ITGAV: variants seen among roughly 807,000 people sequenced by gnomAD.
ITGAV encodes the protein integrin subunit alpha V, also known as integrin alpha-V.
ITGAV carries 76 observed loss-of-function variants against 143.8 expected under a neutral mutation model. That is an observed-to-expected ratio of 0.53 (90% confidence interval 0.44 to 0.64). The LOEUF (loss-of-function observed/expected upper bound fraction) is 0.64. ITGAV is among the 30% of genes least tolerant of loss of function. The pLI is 0.00. For synonymous variants in ITGAV, 453 were observed against 446.7 expected (o/e 1.01, Z -0.18); for missense variants, 1,193 against 1,274.7 (o/e 0.94, Z 0.98).
chr2:186,664,735 C>T, intron 20 of ITGAV, 94 bp downstream of exon 20: 1 of 1,454,800 alleles, frequency 6.9e-7, no homozygotes, highest in Non-Finnish European at 9.5e-7. Flanking sequence ...ACAAGCTTAG[C>T]TATTCTACCT....
chr2:186,630,002 C>T (rs1687773449), intron 4 of ITGAV, among the ~76,000 whole-genome samples: 1 of 152,062 alleles, frequency 6.6e-6, no homozygotes, highest in South Asian at 2.1e-4. Context: ...AAGAGTACAA[C>T]TATTGAGCCT....
In ITGAV at chr2:186,673,243, T is replaced by C. The variant is rs183289680; in HGVS notation, c.2707-2361T>C. On this transcript the variant is annotated intron_variant, in intron 26 of 29. Coordinates refer to ENST00000261023, the MANE Select transcript of ITGAV (RefSeq NM_002210.5). ...AATTGATTATAAATATATGGATTTA[T>C]TTCTAGACATTCAGTTCTATTCAGT... 2.5e-3 allele frequency among the ~76,000 whole-genome samples: 378 copies of C among 152,362 alleles called. 2 individuals are homozygous for C. Among genetic ancestry groups the C allele is most frequent in the African/African-American group, 8.8e-3 (364 of 41,584 alleles).
At chr2:186,599,692 A>C (rs576702962) in intron 1 of ITGAV, among the ~76,000 whole-genome samples, 1 of 152,248 alleles carries the variant, frequency 6.6e-6, no homozygotes, top group East Asian at 1.9e-4. Flanking sequence ...CTTTGTAGAG[A>C]TGGGGGTCTT....
At chr2:186,599,573 C>T (rs996481419) in intron 1 of ITGAV, among the ~76,000 whole-genome samples, 5 of 152,206 alleles carry the variant, frequency 3.3e-5, no homozygotes, top group Non-Finnish European at 5.9e-5. Context: ...CAGCTCACTG[C>T]AGCCTCAACC....
At chr2:186,659,377 T>C (rs1688679506) in intron 18 of ITGAV, among the ~76,000 whole-genome samples, 2 of 152,000 alleles carry the variant, frequency 1.3e-5, no homozygotes, top group African/African-American at 4.8e-5. Flanking sequence ...CAGAGATATT[T>C]AAAGCCACTC....
chr2:186,657,015 CACACACACAG>C (rs202211847), intron 17 of ITGAV, among the ~76,000 whole-genome samples: 32,545 of 150,804 alleles, frequency 0.22, 4,538 homozygotes, highest in East Asian at 0.71. Flanking sequence ...CACACACACA[CACACACACAG>C]AAGCCACTAG....
At chr2:186,611,932 A>C (rs556726654) in intron 2 of ITGAV, among the ~76,000 whole-genome samples, 10 of 152,284 alleles carry the variant, frequency 6.6e-5, no homozygotes, top group African/African-American at 2.4e-4. Flanking sequence ...GGTAATGTCT[A>C]TGAAGGTATT....
At chr2:186,622,759 C>G (rs758102613) in intron 3 of ITGAV, among the ~76,000 whole-genome samples, 16 of 152,172 alleles carry the variant, frequency 1.1e-4, no homozygotes, top group African/African-American at 3.9e-4. Flanking sequence ...CTCTCTCTCT[C>G]TCTCTTTTTT....
At chr2:186,663,914 T>G in intron 19 of ITGAV, 79 bp downstream of exon 19, 2 of 930,328 alleles carry the variant, frequency 2.1e-6, no homozygotes, top group Non-Finnish European at 3.5e-6. Context: ...GACTAACATA[T>G]TTTAACGAGA....
In ITGAV at chr2:186,677,235, A is replaced by G. The variant is rs1374520480; in HGVS notation, c.3090A>G (p.Glu1030=). The G allele has an allele frequency of 1.9e-6, 3 of 1,613,884 alleles. No homozygotes were observed. Among genetic ancestry groups the G allele is most frequent in the African/African-American group, 1.3e-5 (1 of 75,038 alleles). Residue 1030 remains glutamate, a synonymous_variant, in exon 30 of 30, where the codon GAA becomes GAG. Transcript: ENST00000261023. The part of the protein sequence containing the change: ...FFKRVRPPQE[E]QEREQLQPHE... ...AACGGGTCCGGCCACCTCAAGAAGA[A>G]CAAGAAAGGGAGCAGCTTCAACCTC...
At chr2:186,629,892 G>T (rs1372576314) in intron 4 of ITGAV, among the ~76,000 whole-genome samples, 2 of 151,980 alleles carry the variant, frequency 1.3e-5, no homozygotes, top group African/African-American at 4.8e-5. Context: ...TGTGTTCTAG[G>T]TACTGTATTG....
intron 2 of ITGAV, among the ~76,000 whole-genome samples, chr2:186,604,622 G>T (rs1471107720): frequency 2.6e-5 from 4 of 152,082 alleles, no homozygotes; most frequent in Non-Finnish European, 4.4e-5. Context: ...GAAACCCATG[G>T]CAACCTCATT....
chr2:186,615,268 A>ATG (rs1357630371), intron 2 of ITGAV, among the ~76,000 whole-genome samples: 2 of 152,092 alleles, frequency 1.3e-5, no homozygotes, highest in Non-Finnish European at 2.9e-5. Context: ...ATGAACATTC[A>ATG]TGTGCAAATC....
In ITGAV at chr2:186,680,696, G is replaced by A. The variant is rs1002643102; in HGVS notation, c.*3404G>A. 2 of 152,572 alleles carry A rather than the reference G, an allele frequency of 1.3e-5. No homozygotes were observed. The highest frequency in any genetic ancestry group is 4.8e-5 in the African/African-American group (2 of 41,448). 9.5% of individuals were successfully genotyped at this position (152,572 alleles called of 1,614,324 possible). ...TATCCTAAGGTAACTTGGAAGCTGTGTAGTATATCAAATTAATTTGCTACC... is the reference window on the plus strand; with the variant it reads ...TATCCTAAGGTAACTTGGAAGCTGTATAGTATATCAAATTAATTTGCTACC... On this transcript the variant is annotated 3_prime_UTR_variant, in exon 30 of 30. Transcript: ENST00000261023.
intron 2 of ITGAV, among the ~76,000 whole-genome samples, chr2:186,617,974 T>A (rs930134203): frequency 6.6e-6 from 1 of 152,222 alleles, no homozygotes; most frequent in Admixed American, 6.5e-5. Flanking sequence ...AACATCATCC[T>A]AAATGCTGAC....
chr2:186,591,604 ATCT>A (rs1686618206), intron 1 of ITGAV, among the ~76,000 whole-genome samples: 1 of 152,196 alleles, frequency 6.6e-6, no homozygotes, highest in African/African-American at 2.4e-5. Context: ...GGATAGGACC[ATCT>A]TCTACTACAC....
chr2:186,641,659 T>C, intron 12 of ITGAV, 71 bp downstream of exon 12: 2 of 1,235,808 alleles, frequency 1.6e-6, no homozygotes, highest in Non-Finnish European at 2.4e-6. Flanking sequence ...TGTAAGTCCA[T>C]CTGTAGAAGT....
Position 186,590,107 on chromosome 2 carries a change from G to T in ITGAV, c.-232G>T. The T allele has an allele frequency of 2.4e-6, 1 of 412,496 alleles. No homozygotes were observed. The allele number at this position is 412,496 out of a possible 1,614,324, so 25.6% of individuals were successfully genotyped here. A position where few individuals can be genotyped will look rare whatever the true frequency, so the allele number is the denominator to read the frequency against. On this transcript the variant is annotated 5_prime_UTR_variant, in exon 1 of 30. It adds an upstream start codon to the 5' untranslated region. Transcript: ENST00000261023. ...AGCGGCGGAGCCGGAGGGAAGCAAA[G>T]GACCGTCTGCGCTGCTGTCCCCGCC...
chr2:186,602,427 T>C (rs1350139779), intron 2 of ITGAV, among the ~76,000 whole-genome samples: 4 of 152,182 alleles, frequency 2.6e-5, no homozygotes, highest in Non-Finnish European at 5.9e-5. Context: ...GGTAAACCTG[T>C]TAGGATGTTT....
Sources: allele counts gnomAD v4.1 joint callset (sites outside exome capture counted in the v4.1 genomes callset), GRCh38; gene constraint gnomAD v4.1.1; transcripts MANE v1.5; gene names NCBI Gene and HGNC (gene_info 2026-07-23, HGNC 2026-07-21).